Variants in ATXN10 observed in about 807,000 individuals in gnomAD.
The protein encoded by ATXN10 is ataxin 10.
Under a neutral mutation model 52.9 loss-of-function variants are expected in ATXN10, and 28 were observed. The observed-to-expected ratio is 0.53, with a 90% CI of 0.39 to 0.73. The LOEUF (loss-of-function observed/expected upper bound fraction) is 0.73. Ranked by LOEUF, ATXN10 falls within the 30% of genes least tolerant of loss-of-function variation. The pLI is 0.00. For missense variants in ATXN10, 565 were observed against 577.0 expected (o/e 0.98, Z 0.21); for synonymous variants, 226 against 221.5 (o/e 1.02, Z -0.18).
rs1324089276 is a variant in ATXN10, at chr22:45,678,590, C to T, written c.116+6411C>T. Reference sequence around the variant, plus strand: ...TTTTTCCCTACTCAGTAGTGCCTTTCTTGAAGGGAGGGACTTTATGGTGTT... The same window carrying T: ...TTTTTCCCTACTCAGTAGTGCCTTTTTTGAAGGGAGGGACTTTATGGTGTT... On this transcript the variant is annotated intron_variant, in intron 1 of 11. Transcript: ENST00000252934. The surrounding 1 kb of genome is among the most constrained non-coding windows in gnomAD (Gnocchi z 4.1). 1 of 152,112 alleles carries T rather than the reference C, an allele frequency of 6.6e-6. No individual in the cohort carries two copies. Among genetic ancestry groups the T allele is most frequent in the East Asian group, 1.9e-4 (1 of 5,190 alleles). 9.4% of individuals were successfully genotyped at this position (152,112 alleles called of 1,614,324 possible).
Position 45,681,714 on chromosome 22 carries a change from C to T in ATXN10, c.117-7998C>T, listed in dbSNP as rs372234960. 2.7e-4 allele frequency among the ~76,000 whole-genome samples: 41 copies of T among 152,338 alleles called. 1 individual carries two copies. The highest frequency in any genetic ancestry group is 4.3e-4 in the Non-Finnish European group (29 of 68,036). On this transcript the variant is annotated intron_variant, in intron 1 of 11. Coordinates refer to ENST00000252934, the MANE Select transcript of ATXN10 (RefSeq NM_013236.4). This position sits in a 1 kb window ranked among gnomAD's most constrained non-coding sequence, Gnocchi z 4.2. The stretch of plus-strand genomic sequence containing the variant: ...TGCAGACTGCTCTCACTTTAACTTG[C>T]TGATCACTAACTAACGTGGCCCTTA...
Position 45,681,575 on chromosome 22 carries a change from C to G in ATXN10, c.117-8137C>G, listed in dbSNP as rs1261680168. On this transcript the variant is annotated intron_variant, in intron 1 of 11. Coordinates refer to ENST00000252934, the MANE Select transcript of ATXN10 (RefSeq NM_013236.4). The surrounding 1 kb of genome is among the most constrained non-coding windows in gnomAD (Gnocchi z 4.2). The stretch of plus-strand genomic sequence containing the variant: ...TACATCCTCAACTCCACTGCCTCCT[C>G]TCTAAACTTTGTTATGTTTGCCTGG... Among the ~76,000 whole-genome samples the G allele has an allele frequency of 2.0e-5, 3 of 152,194 alleles. No homozygotes were observed. Among genetic ancestry groups the G allele is most frequent in the Non-Finnish European group, 4.4e-5 (3 of 68,030 alleles).
At chr22:45,785,336 T>C (rs961628737) in intron 9 of ATXN10, among the ~76,000 whole-genome samples, 5 of 152,352 alleles carry the variant, frequency 3.3e-5, no homozygotes, top group Non-Finnish European at 7.4e-5. Flanking sequence ...AATACTTCAC[T>C]GGCCAGCTTT....
intron 9 of ATXN10, chr22:45,793,432 TA>T: frequency 2.0e-6 from 1 of 503,956 alleles, no homozygotes; most frequent in Non-Finnish European, 3.0e-6. Flanking sequence ...TCAATAAGGG[TA>T]ACAATGGTAG....
At chr22:45,672,259 G>A in intron 1 of ATXN10, 80 bp downstream of exon 1, 2 of 1,265,388 alleles carry the variant, frequency 1.6e-6, no homozygotes, top group Non-Finnish European at 2.0e-6. Flanking sequence ...CTGGACCCAG[G>A]CGCCGCCCCC....
Position 45,842,758 on chromosome 22 carries a change from G to A in ATXN10, c.1238-233G>A, listed in dbSNP as rs745362672. On this transcript the variant is annotated intron_variant, in intron 10 of 11. Coordinates refer to ENST00000252934, the MANE Select transcript of ATXN10 (RefSeq NM_013236.4). The surrounding 1 kb of genome is among the most constrained non-coding windows in gnomAD (Gnocchi z 4.8). ...ACTGAGTAAATCTCTCTGGGTGCCCGTGGCTGGACATCACACACACATGCT... is the reference window on the plus strand; with the variant it reads ...ACTGAGTAAATCTCTCTGGGTGCCCATGGCTGGACATCACACACACATGCT... Among the ~76,000 whole-genome samples, 11 of 152,124 alleles carry A rather than the reference G, an allele frequency of 7.2e-5. No homozygotes were observed. Among genetic ancestry groups the A allele is most frequent in the South Asian group, 4.1e-4 (2 of 4,830 alleles).
intron 9 of ATXN10, among the ~76,000 whole-genome samples, chr22:45,804,343 C>T (rs941750026): frequency 2.0e-5 from 3 of 152,212 alleles, no homozygotes; most frequent in African/African-American, 7.2e-5. Context: ...CTAGTATATG[C>T]CAGGTGTCTA....
Position 45,758,229 on chromosome 22 carries a change from C to T in ATXN10, c.1173+17691C>T, listed in dbSNP as rs537688562. Reference sequence around the variant, plus strand: ...GCTGTGGAGCAGGGCCACAGTCTCCCTGCAGGGTTGTTTGGAGTTAGCTGA... The same window carrying T: ...GCTGTGGAGCAGGGCCACAGTCTCCTTGCAGGGTTGTTTGGAGTTAGCTGA... On this transcript the variant is annotated intron_variant, in intron 9 of 11. Coordinates refer to ENST00000252934, the MANE Select transcript of ATXN10 (RefSeq NM_013236.4). Among the ~76,000 whole-genome samples, 3 of 152,334 alleles carry T rather than the reference C, an allele frequency of 2.0e-5. No individual in the cohort carries two copies. In the East Asian group the frequency reaches 5.8e-4, roughly 29 times the overall value.
intron 10 of ATXN10, among the ~76,000 whole-genome samples, chr22:45,838,315 G>A (rs1430460775): frequency 6.6e-6 from 1 of 152,164 alleles, no homozygotes; most frequent in African/African-American, 2.4e-5. Flanking sequence ...CCATTGAGCA[G>A]TACAAGGTGC....
rs372234960 is a variant in ATXN10 at position 45,681,714 on chromosome 22, C to G, written c.117-7998C>G. ...TGCAGACTGCTCTCACTTTAACTTG[C>G]TGATCACTAACTAACGTGGCCCTTA... On this transcript the variant is annotated intron_variant, in intron 1 of 11. Coordinates refer to ENST00000252934, the MANE Select transcript of ATXN10 (RefSeq NM_013236.4). The surrounding 1 kb of genome is among the most constrained non-coding windows in gnomAD (Gnocchi z 4.2). Among the ~76,000 whole-genome samples the G allele has an allele frequency of 6.6e-6, 1 of 152,218 alleles. No individual in the cohort carries two copies. The highest frequency in any genetic ancestry group is 1.5e-5 in the Non-Finnish European group (1 of 68,044).
At chr22:45,687,393 A>T (rs1020876874) in intron 1 of ATXN10, among the ~76,000 whole-genome samples, 3 of 152,234 alleles carry the variant, frequency 2.0e-5, no homozygotes, top group Non-Finnish European at 2.9e-5. Context: ...GAATGACTTC[A>T]GGGAAGACCA....
intron 9 of ATXN10, among the ~76,000 whole-genome samples, chr22:45,767,784 T>C (rs1926639020): frequency 6.6e-6 from 1 of 152,202 alleles, no homozygotes. Flanking sequence ...TAAAACATCG[T>C]ATTTTGACAA....
At chr22:45,686,818 CAAAAAA>C (rs66702783) in intron 1 of ATXN10, among the ~76,000 whole-genome samples, 2 of 123,546 alleles carry the variant, frequency 1.6e-5, no homozygotes, top group Admixed American at 8.2e-5. Flanking sequence ...GACTCCATCT[CAAAAAA>C]AAAAAAAAAA....
chr22:45,806,917 C>A, intron 9 of ATXN10, 42 bp from the exon 10 acceptor site: 1 of 1,438,688 alleles, frequency 7.0e-7, no homozygotes, highest in Non-Finnish European at 9.8e-7. Context: ...TGACTATAGC[C>A]ATGCTGTTTT....
At chr22:45,817,404 A>C (rs1410892592) in intron 10 of ATXN10, among the ~76,000 whole-genome samples, 7 of 149,912 alleles carry the variant, frequency 4.7e-5, no homozygotes, top group Admixed American at 4.0e-4. Flanking sequence ...TGCTCACTGC[A>C]ACCTGCGCCT....
chr22:45,686,647 G>T (rs1298084536), intron 1 of ATXN10, among the ~76,000 whole-genome samples: 1 of 152,036 alleles, frequency 6.6e-6, no homozygotes, highest in Admixed American at 6.6e-5. Flanking sequence ...GTGAAACCCT[G>T]TCTCTACTAA....
chr22:45,843,895 C>G lies in ATXN10; in HGVS notation c.*224C>G, dbSNP rs1300400966. The stretch of plus-strand genomic sequence containing the variant: ...TAACTGTGTGGTTTGCCTTTGTCCC[C>G]CTGGATAGAACGTGCATTTAAAGAA... On this transcript the variant is annotated 3_prime_UTR_variant, in exon 12 of 12. Transcript: ENST00000252934. This position sits in a 1 kb window ranked among gnomAD's most constrained non-coding sequence, Gnocchi z 4.5. 1.7e-6 allele frequency: 1 copy of G among 593,140 alleles called. No homozygotes were observed. The highest frequency in any genetic ancestry group is 3.0e-6 in the Non-Finnish European group (1 of 334,632). 36.7% of individuals were successfully genotyped at this position (593,140 alleles called of 1,614,324 possible).
chr22:45,753,450 G>C (rs1219245518), intron 9 of ATXN10, among the ~76,000 whole-genome samples: 1 of 120,578 alleles, frequency 8.3e-6, no homozygotes, highest in African/African-American at 3.2e-5. Flanking sequence ...CTCTTGCCCA[G>C]GCTGGAGTGC....
intron 3 of ATXN10, among the ~76,000 whole-genome samples, chr22:45,697,704 A>G (rs924052959): frequency 6.6e-6 from 1 of 152,018 alleles, no homozygotes; most frequent in African/African-American, 2.4e-5. Flanking sequence ...ATCTCGGCTC[A>G]CTGCAGGCTC....
Sources: gnomAD v4.1 joint callset for allele counts (sites outside exome capture counted in the v4.1 genomes callset) on GRCh38, gnomAD v4.1.1 for gene constraint, Gnocchi (gnomAD v3.1) non-coding constraint, MANE v1.5 for transcripts, NCBI Gene and HGNC (gene_info 2026-07-23, HGNC 2026-07-21) for gene names.